STON2: variants seen among roughly 807,000 people sequenced by gnomAD.
STON2 encodes stonin 2.
STON2 carries 29 observed loss-of-function variants against 65.7 expected under a neutral mutation model. That is an observed-to-expected ratio of 0.44 (90% CI 0.33 to 0.60). STON2 has a LOEUF of 0.60. Ranked by LOEUF, STON2 falls within the 20% of genes least tolerant of loss-of-function variation. STON2 has a pLI of 0.03. For synonymous variants in STON2, 404 were observed against 414.2 expected, an observed-to-expected ratio of 0.98 and a Z score of 0.30; for missense variants, 1,054 against 1,118.1, an observed-to-expected ratio of 0.94 and a Z score of 0.82.
At chr14:81,399,956 T>C (rs1406673249) in intron 1 of STON2, among the ~76,000 whole-genome samples, 1 of 152,216 alleles carries the variant, frequency 6.6e-6, no homozygotes, top group African/African-American at 2.4e-5. Flanking sequence ...CACTAAGTGA[T>C]AGATCCAACC....
chr14:81,428,834 C>A (rs1426215841), intron 1 of STON2, among the ~76,000 whole-genome samples: 3 of 152,110 alleles, frequency 2.0e-5, no homozygotes, highest in African/African-American at 7.2e-5. Context: ...TTTTTTTAAA[C>A]CAGTTAGCTA....
At chr14:81,423,034 C>CA (rs112442216) in intron 2 of STON2, among the ~76,000 whole-genome samples, 30,354 of 135,982 alleles carry the variant, frequency 0.22, 4,798 homozygotes, top group African/African-American at 0.45. Context: ...GACTCTGTCT[C>CA]AAAAAAAAAA....
rs942960741 is a variant in STON2 at position 81,268,004 on chromosome 14, A to G, written c.*410T>C. On this transcript the variant is annotated 3_prime_UTR_variant, in exon 8 of 8. Transcript: ENST00000614646. ...TTAACTTCTCAAGACTGCCTTTGCC[A>G]GAAAGTTATGCGAGTGACAGATGAA... 1 of 987,018 alleles carries G rather than the reference A, an allele frequency of 1.0e-6. No individual in the cohort carries two copies. The highest frequency in any genetic ancestry group is 1.2e-6 in the Non-Finnish European group (1 of 831,120). 61.1% of individuals were successfully genotyped at this position (987,018 alleles called of 1,614,324 possible).
intron 5 of STON2, among the ~76,000 whole-genome samples, chr14:81,290,388 C>T (rs1895508405): frequency 6.6e-6 from 1 of 152,092 alleles, no homozygotes; most frequent in Admixed American, 6.5e-5. Context: ...GGTCAGGGGG[C>T]TGGTGATATG....
intron 5 of STON2, among the ~76,000 whole-genome samples, chr14:81,318,985 C>G (rs1896724779): frequency 6.6e-6 from 1 of 152,234 alleles, no homozygotes; most frequent in African/African-American, 2.4e-5. Context: ...TGAGCTTGCA[C>G]ACTGTGGCTT....
chr14:81,269,411 A>C, intron 7 of STON2: 6 of 985,454 alleles, frequency 6.1e-6, no homozygotes, highest in Non-Finnish European at 7.2e-6. Flanking sequence ...AATTATCAAG[A>C]AATTAACAGA....
At chr14:81,400,811 C>T (rs1310765677), upstream of STON2, among the ~76,000 whole-genome samples, 7 of 152,144 alleles carry the variant, frequency 4.6e-5, no homozygotes, top group Non-Finnish European at 1.0e-4. Flanking sequence ...GAGTCCTATA[C>T]AGTCGTGGAC....
At chr14:81,287,989 C>T (rs138407233) in intron 5 of STON2, among the ~76,000 whole-genome samples, 137 of 152,320 alleles carry the variant, frequency 9.0e-4, no homozygotes, top group African/African-American at 3.2e-3. Flanking sequence ...ACCAGTTCCC[C>T]AGCAGAGGTC....
upstream of STON2, among the ~76,000 whole-genome samples, chr14:81,401,628 C>A (rs1175329285): frequency 6.6e-6 from 1 of 152,178 alleles, no homozygotes; most frequent in Admixed American, 6.5e-5. Flanking sequence ...GAATGTGAAT[C>A]ATAAAATGAG....
Position 81,418,681 on chromosome 14 carries a change from G to C in STON2, c.-199+8421C>G, listed in dbSNP as rs149741842. ...GCCTCAGGTAAGGGGCAAGAGGCTA[G>C]TTCCTGGGATCTTTTCTGCCACAAA... is the stretch of plus-strand genomic sequence containing the variant. On this transcript the variant is annotated intron_variant, in intron 2 of 8. Coordinates refer to the STON2 transcript ENST00000553821. 3.7e-4 allele frequency among the ~76,000 whole-genome samples: 57 copies of C among 152,340 alleles called. No homozygotes were observed. The East Asian group carries it at 6.7e-3, about 18-fold the overall frequency.
At position 81,396,151 on chromosome 14, in the gene STON2, A is replaced by T; in HGVS notation, c.116T>A (p.Leu39Gln). The T allele has an allele frequency of 6.2e-7, 1 of 1,613,148 alleles. No homozygotes were observed. Among genetic ancestry groups the T allele is most frequent in the African/African-American group, 1.3e-5 (1 of 75,018 alleles). ...QGGTEEHLPG[L>Q]SSSPDQSESS... Reference sequence around the variant, plus strand: ...CTCGGACTGGTCTGGGGAAGATGACAGTCCTGGGAGGTGCTCTTCCGTGCC... The same window carrying T: ...CTCGGACTGGTCTGGGGAAGATGACTGTCCTGGGAGGTGCTCTTCCGTGCC... The change falls in exon 3 of 8, where the codon CTG (leucine) becomes CAG (glutamine). Residue 39 changes from leucine (L) to glutamine (Q), a missense_variant. Leu to Gln is a moderately radical substitution (Grantham distance 113). Coordinates refer to ENST00000614646, the MANE Select transcript of STON2 (RefSeq NM_001394390.1).
intron 5 of STON2, among the ~76,000 whole-genome samples, chr14:81,318,070 A>G (rs1027682588): frequency 1.3e-5 from 2 of 152,098 alleles, no homozygotes; most frequent in East Asian, 1.9e-4. Context: ...GGTTCAAGCG[A>G]GTCTCCTGCC....
intron 4 of STON2, among the ~76,000 whole-genome samples, chr14:81,362,938 G>C (rs1430696080): frequency 6.6e-6 from 1 of 152,198 alleles, no homozygotes; most frequent in Non-Finnish European, 1.5e-5. Context: ...TTGTGGTCCA[G>C]TGAAATAAGC....
intron 3 of STON2, among the ~76,000 whole-genome samples, chr14:81,386,563 G>A (rs1419034795): frequency 3.3e-5 from 5 of 152,326 alleles, no homozygotes; most frequent in South Asian, 2.1e-4. Flanking sequence ...TAGGGAAGAC[G>A]TTTGAAGCAT....
chr14:81,303,203 T>C (rs1188890179), intron 5 of STON2, among the ~76,000 whole-genome samples: 1 of 152,138 alleles, frequency 6.6e-6, no homozygotes, highest in East Asian at 1.9e-4. Context: ...AGAAGAAACA[T>C]GTCTACCTTG....
At chr14:81,392,032 C>T (rs1425634759) in intron 3 of STON2, among the ~76,000 whole-genome samples, 1 of 152,098 alleles carries the variant, frequency 6.6e-6, no homozygotes, top group Non-Finnish European at 1.5e-5. Flanking sequence ...TAGGCTAAGG[C>T]AAGTGACACA....
intron 1 of STON2, among the ~76,000 whole-genome samples, chr14:81,431,701 C>T (rs1902231363): frequency 2.0e-5 from 3 of 151,940 alleles, no homozygotes; most frequent in Admixed American, 1.3e-4. Flanking sequence ...TTGCTTGAAC[C>T]CGGGAGCCGG....
At chr14:81,376,745 C>A (rs1260541220) in intron 3 of STON2, among the ~76,000 whole-genome samples, 2 of 151,980 alleles carry the variant, frequency 1.3e-5, no homozygotes, top group Non-Finnish European at 2.9e-5. Context: ...AAAAGGATCC[C>A]AAACAAATTA....
Position 81,277,705 on chromosome 14 carries a change from C to T in STON2, c.1777G>A (p.Asp593Asn), listed in dbSNP as rs567015513. The T allele has an allele frequency of 3.8e-5, 61 of 1,614,142 alleles. No homozygotes were observed. In the East Asian group the frequency reaches 1.0e-3, roughly 27 times the overall value. ...GCATGGATGAAACTCAGGAAGTCAT[C>T]GTAATTGGTGGTGCCCAGCTTAATC... The part of the protein sequence containing the change: ...QVIKLGTTNY[D>N]DFLSFIHAVQ... The change falls in exon 6 of 8, where the codon GAT becomes AAT. Residue 593 changes from aspartate (D) to asparagine (N), a missense_variant. Transcript: ENST00000614646.
Sources: allele counts gnomAD v4.1 joint callset (sites outside exome capture counted in the v4.1 genomes callset), GRCh38; gene constraint gnomAD v4.1.1; transcripts MANE v1.5; gene names NCBI Gene and HGNC (gene_info 2026-07-23, HGNC 2026-07-21).